The following PALM2AKAP2 variants were observed in gnomAD, a reference collection of about 807,000 sequenced individuals.
PALM2AKAP2 encodes the protein PALM2 and AKAP2 fusion.
In PALM2AKAP2, 37 loss-of-function variants were observed where a neutral mutation model predicts 71.5. That is an observed-to-expected ratio of 0.52 (90% CI 0.40 to 0.68). The LOEUF (loss-of-function observed/expected upper bound fraction) is 0.68, where lower values mean the gene tolerates loss of function less well. Ranked by LOEUF, PALM2AKAP2 falls within the 30% of genes least tolerant of loss-of-function variation. The probability of loss-of-function intolerance (pLI) is 0.00; values close to 1 mark genes in which losing one functional copy is unlikely to be tolerated. For missense variants in PALM2AKAP2, 1,224 were observed against 1,191.8 expected (o/e 1.03, Z -0.40); for synonymous variants, 468 against 478.8 (o/e 0.98, Z 0.29).
chr9:109,839,637 C>A (rs1463176406), intron 1 of PALM2AKAP2, among the ~76,000 whole-genome samples: 3 of 152,148 alleles, frequency 2.0e-5, no homozygotes, highest in African/African-American at 7.2e-5. Flanking sequence ...TTAGAAAACC[C>A]CAAATCTCCT....
At chr9:109,829,030 T>C (rs1828227548) in intron 1 of PALM2AKAP2, among the ~76,000 whole-genome samples, 1 of 152,266 alleles carries the variant, frequency 6.6e-6, no homozygotes, top group African/African-American at 2.4e-5. Context: ...TTATAGTGCT[T>C]TAGTTATTGA....
intron 5 of PALM2AKAP2, among the ~76,000 whole-genome samples, chr9:109,927,592 A>AGT (rs1421774156): frequency 2.6e-5 from 4 of 152,196 alleles, no homozygotes; most frequent in African/African-American, 9.7e-5. Context: ...AGGTAACCTA[A>AGT]GTGTGTCCCT....
intron 6 of PALM2AKAP2, among the ~76,000 whole-genome samples, chr9:109,936,236 T>C (rs1159293963): frequency 1.3e-5 from 2 of 152,364 alleles, no homozygotes; most frequent in Non-Finnish European, 2.9e-5. Flanking sequence ...GTTGGGAACA[T>C]TCAAAAATCT....
At chr9:109,699,317 GA>G (rs1264808109) in intron 1 of PALM2AKAP2, among the ~76,000 whole-genome samples, 1 of 152,184 alleles carries the variant, frequency 6.6e-6, no homozygotes, top group East Asian at 1.9e-4. Flanking sequence ...CTGTCTGGTG[GA>G]CAATCAGGCA....
intron 3 of PALM2AKAP2, among the ~76,000 whole-genome samples, chr9:109,888,165 G>A (rs761136868): frequency 2.0e-5 from 3 of 152,216 alleles, no homozygotes; most frequent in Admixed American, 6.5e-5. Context: ...GAAACAGTGT[G>A]TGCTTCTGAA....
intron 1 of PALM2AKAP2, among the ~76,000 whole-genome samples, chr9:109,848,525 G>A (rs1239087478): frequency 1.3e-5 from 2 of 152,160 alleles, no homozygotes; most frequent in African/African-American, 4.8e-5. Context: ...GCCTCCTAGA[G>A]CTCATGTCAT....
At chr9:109,730,932 C>G (rs540667486) in intron 1 of PALM2AKAP2, among the ~76,000 whole-genome samples, 23 of 145,658 alleles carry the variant, frequency 1.6e-4, no homozygotes, top group Middle Eastern at 3.4e-3. Flanking sequence ...ACATAACATC[C>G]CTTATACTAA....
chr9:109,743,030 A>T (rs976058580), intron 1 of PALM2AKAP2, among the ~76,000 whole-genome samples: 1 of 152,146 alleles, frequency 6.6e-6, no homozygotes. Context: ...CCCTTGGTCT[A>T]TTCCAGCCAG....
chr9:109,961,115 G>C (rs1008660692), intron 6 of PALM2AKAP2, among the ~76,000 whole-genome samples: 3 of 152,230 alleles, frequency 2.0e-5, no homozygotes, highest in African/African-American at 7.2e-5. Flanking sequence ...GAGTTGTTCA[G>C]TGCATAACAT....
chr9:109,956,606 A>G (rs1831751584), intron 6 of PALM2AKAP2, among the ~76,000 whole-genome samples: 2 of 152,168 alleles, frequency 1.3e-5, no homozygotes, highest in Non-Finnish European at 1.5e-5. Flanking sequence ...TAGCTCAGAG[A>G]CTCAGTGTGA....
At chr9:109,901,168 G>C (rs1830323460) in intron 3 of PALM2AKAP2, among the ~76,000 whole-genome samples, 1 of 152,190 alleles carries the variant, frequency 6.6e-6, no homozygotes, top group African/African-American at 2.4e-5. Context: ...AACTGGACCT[G>C]AGTTACTGGA....
At chr9:109,795,927 T>C (rs896060773) in intron 1 of PALM2AKAP2, among the ~76,000 whole-genome samples, 2 of 152,196 alleles carry the variant, frequency 1.3e-5, no homozygotes, top group African/African-American at 2.4e-5. Context: ...TTGATGGGAA[T>C]AGAAGTCAGG....
chr9:109,850,761 T>G (rs1246177477), intron 1 of PALM2AKAP2, among the ~76,000 whole-genome samples: 1 of 152,176 alleles, frequency 6.6e-6, no homozygotes, highest in Non-Finnish European at 1.5e-5. Flanking sequence ...ATTTACCAAA[T>G]AGTTTATTTC....
chr9:110,008,946 A>T (rs986891335), intron 6 of PALM2AKAP2, among the ~76,000 whole-genome samples: 28 of 150,984 alleles, frequency 1.9e-4, no homozygotes, highest in African/African-American at 6.8e-4. Context: ...TGGTCACATG[A>T]CCTCAGCAAC....
chr9:109,729,283 T>C (rs1828519858), intron 1 of PALM2AKAP2, among the ~76,000 whole-genome samples: 2 of 152,188 alleles, frequency 1.3e-5, no homozygotes, highest in Admixed American at 6.5e-5. Flanking sequence ...ACTTGATGTG[T>C]CCTAAAGTGG....
chr9:110,088,337 T>C (rs1027652494), intron 1 of PALM2AKAP2, among the ~76,000 whole-genome samples: 1 of 152,204 alleles, frequency 6.6e-6, no homozygotes, highest in Non-Finnish European at 1.5e-5. Context: ...TGCAAACATC[T>C]GATTGTGGAA....
intron 1 of PALM2AKAP2, among the ~76,000 whole-genome samples, chr9:109,665,491 C>A (rs1217255019): frequency 6.6e-6 from 1 of 152,208 alleles, no homozygotes; most frequent in African/African-American, 2.4e-5. Context: ...ACTCCGGACA[C>A]TGTTTGCCTG....
At chr9:109,883,462 G>A (rs776823214) in intron 3 of PALM2AKAP2, among the ~76,000 whole-genome samples, 28 of 152,328 alleles carry the variant, frequency 1.8e-4, no homozygotes, top group African/African-American at 3.8e-4. Context: ...TTCTGTAGGA[G>A]CAGGACTGTG....
chr9:109,927,034 G>A (rs1830972609), intron 5 of PALM2AKAP2, among the ~76,000 whole-genome samples: 1 of 152,136 alleles, frequency 6.6e-6, no homozygotes, highest in Non-Finnish European at 1.5e-5. Context: ...GGATGGGGGA[G>A]CTCAGGCTTA....
Sources: gnomAD v4.1 joint callset for allele counts (sites outside exome capture counted in the v4.1 genomes callset) on GRCh38, gnomAD v4.1.1 for gene constraint, MANE v1.5 for transcripts, NCBI Gene and HGNC (gene_info 2026-07-23, HGNC 2026-07-21) for gene names.